DNAJC10: variants seen among roughly 807,000 people sequenced by gnomAD.
DNAJC10 encodes DnaJ heat shock protein family (Hsp40) member C10.
In DNAJC10, 101 loss-of-function variants were observed where a neutral mutation model predicts 115.0. The ratio of observed to expected loss-of-function variants is 0.88; its 90% CI spans 0.75 to 1.04. The LOEUF is 1.04. Ranked by LOEUF, DNAJC10 falls within the 50% of genes least tolerant of loss-of-function variation. DNAJC10 has a pLI of 0.00. For synonymous variants in DNAJC10, 307 were observed against 301.5 expected, an observed-to-expected ratio of 1.02 and a Z score of -0.19; for missense variants, 981 against 928.8, an observed-to-expected ratio of 1.06 and a Z score of -0.73.
intron 16 of DNAJC10, among the ~76,000 whole-genome samples, chr2:182,753,099 T>C (rs1694066246): frequency 6.6e-6 from 1 of 152,168 alleles, no homozygotes. Context: ...ATATTTTAAA[T>C]ATACTGAAAT....
chr2:182,779,995 TAAGA>T lies in DNAJC10; in HGVS notation c.*2866_*2869del, dbSNP rs1395537689. 4 of 152,198 alleles carry T rather than the reference TAAGA, an allele frequency of 2.6e-5. No homozygotes were observed. Among genetic ancestry groups the T allele is most frequent in the Non-Finnish European group, 5.9e-5 (4 of 68,026 alleles). The allele number at this position is 152,198 out of a possible 1,614,324, so 9.4% of individuals were successfully genotyped here. The stretch of plus-strand genomic sequence containing the variant: ...GGCACATTTATTCCATTGTGACTGT[TAAGA>T]AATAATAAAAGATTAAATTAACAAA... On this transcript the variant is annotated 3_prime_UTR_variant, in exon 24 of 24. Coordinates refer to ENST00000264065, the MANE Select transcript of DNAJC10 (RefSeq NM_018981.4).
At chr2:182,748,831 G>A (rs1187052446) in intron 14 of DNAJC10, among the ~76,000 whole-genome samples, 7 of 151,956 alleles carry the variant, frequency 4.6e-5, no homozygotes, top group South Asian at 2.1e-4. Context: ...CTTTGAATGC[G>A]TCCCAGAGAT....
Position 182,788,719 on chromosome 2 carries a change from G to A in DNAJC10, c.*11587G>A. The A allele has an allele frequency of 2.6e-5, 11 of 429,030 alleles. No homozygotes were observed. Among genetic ancestry groups the A allele is most frequent in the South Asian group, 1.5e-4 (9 of 58,476 alleles). 26.6% of individuals were successfully genotyped at this position (429,030 alleles called of 1,614,324 possible). On this transcript the variant is annotated 3_prime_UTR_variant, in exon 24 of 24. Transcript: ENST00000264065. ...CAAGTAACGTCTATTTATCTCAGAG[G>A]AAATCCAGGGAAGTTCCTACTTGGG...
chr2:182,732,805 C>T (rs1693485268), intron 10 of DNAJC10: 1 of 469,336 alleles, frequency 2.1e-6, no homozygotes, highest in Non-Finnish European at 3.7e-6. Flanking sequence ...ACTGAAGTTA[C>T]ATGTTAGTGT....
intron 3 of DNAJC10, among the ~76,000 whole-genome samples, chr2:182,719,250 CTTT>C (rs57284693): frequency 1.8e-4 from 15 of 83,684 alleles, no homozygotes; most frequent in African/African-American, 3.3e-4. Flanking sequence ...GGATTGTTTT[CTTT>C]TTTTTTTTTT....
rs1694772188 is a variant in DNAJC10 at position 182,778,695 on chromosome 2, G to T, written c.*1563G>T. The T allele has an allele frequency of 6.6e-6, 1 of 152,084 alleles. No homozygotes were observed. Among genetic ancestry groups the T allele is most frequent in the Non-Finnish European group, 1.5e-5 (1 of 68,014 alleles). 9.4% of individuals were successfully genotyped at this position (152,084 alleles called of 1,614,324 possible). A position where few individuals can be genotyped will look rare whatever the true frequency, so the allele number is the denominator to read the frequency against. On this transcript the variant is annotated 3_prime_UTR_variant, in exon 24 of 24. Transcript: ENST00000264065. Reference sequence around the variant, plus strand: ...CTACTATATACTCTGTCTGGATTCTGCTGTATGCCTGTTGGCATATATGGA... The same window carrying T: ...CTACTATATACTCTGTCTGGATTCTTCTGTATGCCTGTTGGCATATATGGA...
At chr2:182,758,559 A>G (rs555285806) in intron 19 of DNAJC10, among the ~76,000 whole-genome samples, 28 of 152,296 alleles carry the variant, frequency 1.8e-4, no homozygotes, top group Non-Finnish European at 2.8e-4. Flanking sequence ...AAACCCTTGG[A>G]CATTCTGAGT....
intron 14 of DNAJC10, among the ~76,000 whole-genome samples, chr2:182,746,474 C>G (rs1241936501): frequency 6.6e-6 from 1 of 152,146 alleles, no homozygotes; most frequent in Non-Finnish European, 1.5e-5. Flanking sequence ...TTGCATTTCT[C>G]TGATGGCCAG....
intron 23 of DNAJC10, among the ~76,000 whole-genome samples, chr2:182,776,139 T>TA (rs1261949860): frequency 1.5e-4 from 22 of 148,268 alleles, no homozygotes; most frequent in South Asian, 4.2e-4. Context: ...ACAAAGCCAT[T>TA]AAAAAAAAAA....
At chr2:182,720,576 G>A (rs1470661106) in intron 4 of DNAJC10, among the ~76,000 whole-genome samples, 1 of 152,098 alleles carries the variant, frequency 6.6e-6, no homozygotes, top group Admixed American at 6.5e-5. Flanking sequence ...GTATTCAGCA[G>A]TAACATGCTG....
At chr2:182,719,927 A>T in intron 3 of DNAJC10, 80 bp from the exon 4 acceptor site, 8 of 820,712 alleles carry the variant, frequency 9.7e-6, no homozygotes, top group Non-Finnish European at 1.5e-5. Context: ...TACTAGATTA[A>T]TTAAACCTAC....
intron 14 of DNAJC10, among the ~76,000 whole-genome samples, chr2:182,747,078 C>G (rs907324582): frequency 6.6e-6 from 1 of 152,074 alleles, no homozygotes; most frequent in Non-Finnish European, 1.5e-5. Context: ...GTGTTCTGTT[C>G]CATTGATCTA....
chr2:182,757,343 A>T (rs1456911296), intron 18 of DNAJC10, among the ~76,000 whole-genome samples: 1 of 152,204 alleles, frequency 6.6e-6, no homozygotes, highest in Non-Finnish European at 1.5e-5. Context: ...CACATTAGAC[A>T]CCTACAAAGC....
rs371250717 is a variant in DNAJC10, at chr2:182,756,472, A to G, written c.1809+3A>G. 304 of 1,599,066 alleles carry G rather than the reference A, an allele frequency of 1.9e-4. No homozygotes were observed. Among genetic ancestry groups the G allele is most frequent in the Non-Finnish European group, 2.5e-4 (292 of 1,175,620 alleles). On this transcript the variant is annotated splice_donor_region_variant and intron_variant, in intron 18 of 23. Transcript: ENST00000264065. The stretch of plus-strand genomic sequence containing the variant: ...CAGAATGGAAAAGAATGGCCCGGGT[A>G]TAGTAAAAATAGTTTATTTTAAATC...
intron 21 of DNAJC10, among the ~76,000 whole-genome samples, chr2:182,759,905 A>C (rs549103326): frequency 6.6e-6 from 1 of 152,208 alleles, no homozygotes; most frequent in Non-Finnish European, 1.5e-5. Flanking sequence ...TAAAAAAAAA[A>C]ATTCCCAGTT....
intron 5 of DNAJC10, among the ~76,000 whole-genome samples, chr2:182,725,290 T>C (rs926689776): frequency 6.6e-6 from 1 of 152,188 alleles, no homozygotes; most frequent in African/African-American, 2.4e-5. Context: ...AGCCAATTAA[T>C]AACTACAGTG....
intron 22 of DNAJC10, among the ~76,000 whole-genome samples, chr2:182,773,005 TC>T: frequency 6.6e-6 from 1 of 152,362 alleles, no homozygotes; most frequent in South Asian, 2.1e-4. Context: ...GTTTAGTGCT[TC>T]CTTCAGGAGC....
At chr2:182,752,482 G>A (rs1694048655) in intron 16 of DNAJC10, 3 of 451,652 alleles carry the variant, frequency 6.6e-6, no homozygotes, top group Non-Finnish European at 9.0e-6. Context: ...ATTGAAGATT[G>A]TTATATTTCT....
intron 3 of DNAJC10, 35 bp downstream of exon 3, chr2:182,718,325 A>G (rs780363598): frequency 5.4e-6 from 8 of 1,494,658 alleles, no homozygotes; most frequent in Middle Eastern, 2.2e-4. Context: ...ATATTTGATT[A>G]TATTTTTGGT....
Sources: gnomAD v4.1 joint callset for allele counts (sites outside exome capture counted in the v4.1 genomes callset) on GRCh38, gnomAD v4.1.1 for gene constraint, MANE v1.5 for transcripts, NCBI Gene and HGNC (gene_info 2026-07-23, HGNC 2026-07-21) for gene names.